Variants in SLX4IP observed in about 807,000 individuals in gnomAD.
The protein encoded by SLX4IP is SLX4 interacting protein.
In SLX4IP, 34 loss-of-function variants were observed where a neutral mutation model predicts 32.9. That is an observed-to-expected ratio of 1.03 (90% CI 0.79 to 1.38). SLX4IP has a LOEUF of 1.38. Among genes scored for constraint, SLX4IP ranks in the 40% most tolerant of loss-of-function variants. The pLI, the probability that SLX4IP is intolerant of heterozygous loss-of-function variation, is 0.00. For synonymous variants in SLX4IP, 172 were observed against 171.7 expected, an observed-to-expected ratio of 1.00 and a Z score of -0.01; for missense variants, 444 against 479.0, an observed-to-expected ratio of 0.93 and a Z score of 0.68.
At chr20:10,501,843 A>G (rs1325028108) in intron 2 of SLX4IP, among the ~76,000 whole-genome samples, 1 of 152,232 alleles carries the variant, frequency 6.6e-6, no homozygotes, top group Non-Finnish European at 1.5e-5. Context: ...TTTAAAAAAA[A>G]TCTAGTATTT....
intron 4 of SLX4IP, among the ~76,000 whole-genome samples, chr20:10,587,648 G>T (rs574280913): frequency 6.6e-6 from 1 of 152,020 alleles, no homozygotes; most frequent in Non-Finnish European, 1.5e-5. Context: ...GCGTAAAAAT[G>T]GGCCCTAGAC....
chr20:10,470,584 C>G, intron 2 of SLX4IP, among the ~76,000 whole-genome samples: 1 of 152,246 alleles, frequency 6.6e-6, no homozygotes, highest in Non-Finnish European at 1.5e-5. Context: ...ACCTTAAACA[C>G]TCACATACAC....
At chr20:10,571,398 A>G (rs2122514910) in intron 4 of SLX4IP, among the ~76,000 whole-genome samples, 1 of 152,250 alleles carries the variant, frequency 6.6e-6, no homozygotes, top group Admixed American at 6.5e-5. Flanking sequence ...GCCCATGGTC[A>G]TTGATCAGCT....
At chr20:10,502,617 C>T (rs1027103855) in intron 2 of SLX4IP, among the ~76,000 whole-genome samples, 3 of 142,894 alleles carry the variant, frequency 2.1e-5, no homozygotes, top group Non-Finnish European at 4.4e-5. Context: ...GCAGCGTGTA[C>T]TCCCTCTCTT....
chr20:10,574,739 C>T (rs2066504844), intron 4 of SLX4IP, among the ~76,000 whole-genome samples: 1 of 152,088 alleles, frequency 6.6e-6, no homozygotes, highest in Non-Finnish European at 1.5e-5. Context: ...GTGGTGCAAT[C>T]TCAGCTCACT....
chr20:10,576,804 T>C (rs529026167), intron 4 of SLX4IP, among the ~76,000 whole-genome samples: 1 of 152,154 alleles, frequency 6.6e-6, no homozygotes, highest in Non-Finnish European at 1.5e-5. Context: ...ATAAAAGTTA[T>C]AAGACCTGAA....
At chr20:10,495,678 T>C (rs2122404354) in intron 2 of SLX4IP, among the ~76,000 whole-genome samples, 2 of 152,310 alleles carry the variant, frequency 1.3e-5, no homozygotes, top group African/African-American at 4.8e-5. Flanking sequence ...GATTATTCTA[T>C]CATCCTCATA....
At chr20:10,564,726 A>G (rs955330707) in intron 4 of SLX4IP, among the ~76,000 whole-genome samples, 1 of 152,232 alleles carries the variant, frequency 6.6e-6, no homozygotes, top group African/African-American at 2.4e-5. Context: ...CATAGTACAG[A>G]CATTGCCAAT....
intron 3 of SLX4IP, among the ~76,000 whole-genome samples, 181 bp from the exon 4 acceptor site, chr20:10,560,519 A>G (rs1029937132): frequency 6.6e-6 from 1 of 152,232 alleles, no homozygotes; most frequent in Admixed American, 6.5e-5. Context: ...TTTCGAGCAA[A>G]CTTCAGTAGC....
At chr20:10,501,510 A>C (rs2065718319) in intron 2 of SLX4IP, among the ~76,000 whole-genome samples, 1 of 152,220 alleles carries the variant, frequency 6.6e-6, no homozygotes, top group Non-Finnish European at 1.5e-5. Flanking sequence ...CTCAGCCCCC[A>C]CAGCAATCTC....
intron 1 of SLX4IP, among the ~76,000 whole-genome samples, chr20:10,447,551 TGTTTCTACTG>T (rs1187040093): frequency 6.6e-6 from 1 of 152,194 alleles, no homozygotes; most frequent in Non-Finnish European, 1.5e-5. Flanking sequence ...GCAAAGAAGT[TGTTTCTACTG>T]GTTCATCATT....
At chr20:10,458,327 G>A in intron 2 of SLX4IP, 96 bp downstream of exon 2, 1 of 1,275,246 alleles carries the variant, frequency 7.8e-7, no homozygotes. Context: ...CTAACTTTCT[G>A]CTTTTTACAC....
At chr20:10,544,933 G>C (rs958186317) in intron 2 of SLX4IP, among the ~76,000 whole-genome samples, 3 of 152,062 alleles carry the variant, frequency 2.0e-5, no homozygotes, top group African/African-American at 7.2e-5. Context: ...GATACAAGGG[G>C]GCCTGTAGCA....
At chr20:10,479,991 A>C (rs1216719706) in intron 2 of SLX4IP, among the ~76,000 whole-genome samples, 1 of 152,164 alleles carries the variant, frequency 6.6e-6, no homozygotes, top group Admixed American at 6.5e-5. Flanking sequence ...CGACAGAGTG[A>C]GACTCCATCT....
rs372146509 is a variant in SLX4IP at position 10,623,214 on chromosome 20, G to A, written c.1062G>A (p.Thr354=). The change falls in exon 8 of 8, where the codon ACG becomes ACA. Residue 354 remains threonine (T), a synonymous_variant. Coordinates refer to ENST00000334534, the MANE Select transcript of SLX4IP (RefSeq NM_001009608.3). ...LLLKQDLAKT[T]SKEELHVLES... ...TGAAACAAGATTTGGCAAAAACCAC[G>A]TCTAAGGAAGAGTTGCATGTTTTGG... 7.1e-5 allele frequency: 114 copies of A among 1,614,066 alleles called. No homozygotes were observed. The highest frequency in any genetic ancestry group is 6.9e-4 in the African/African-American group (52 of 74,914).
chr20:10,560,831 A>T lies in SLX4IP; in HGVS notation c.238+11A>T. 6.4e-7 allele frequency: 1 copy of T among 1,562,472 alleles called. No homozygotes were observed. Among genetic ancestry groups the T allele is most frequent in the Non-Finnish European group, 8.6e-7 (1 of 1,158,954 alleles). On this transcript the variant is annotated intron_variant, in intron 4 of 7. Transcript: ENST00000334534. ...CCTTGTCCTTAAAAGGTAGGCACAG[A>T]GCACTTTGATTTTGGACAAAAAATA...
At chr20:10,495,051 T>G (rs189527174) in intron 2 of SLX4IP, among the ~76,000 whole-genome samples, 240 of 152,292 alleles carry the variant, frequency 1.6e-3, no homozygotes, top group African/African-American at 5.6e-3. Flanking sequence ...TCATTCCACA[T>G]TTTTCCCATT....
At chr20:10,444,679 A>G (rs6074144) in intron 1 of SLX4IP, among the ~76,000 whole-genome samples, 74,540 of 151,958 alleles carry the variant, frequency 0.49, 19,755 homozygotes, top group Non-Finnish European at 0.6. Context: ...CCTGGCCTGG[A>G]CTTGCTTTCT....
In SLX4IP at chr20:10,507,551, T is replaced by C. The variant is rs144657637; in HGVS notation, c.28-48680T>C. Among the ~76,000 whole-genome samples the C allele has an allele frequency of 1.1e-3, 160 of 152,176 alleles. 1 individual carries two copies. The highest frequency in any genetic ancestry group is 6.8e-3 in the Middle Eastern group (2 of 292). On this transcript the variant is annotated intron_variant, in intron 2 of 7. Transcript: ENST00000334534. ...GAATGAACCCAGCATAAACTTACCC[T>C]GAGGACCAAAAACCTCATGAGGGTT...
Sources: allele counts gnomAD v4.1 joint callset (sites outside exome capture counted in the v4.1 genomes callset), GRCh38; gene constraint gnomAD v4.1.1; transcripts MANE v1.5; gene names NCBI Gene and HGNC (gene_info 2026-07-23, HGNC 2026-07-21).